PLCB1: variants seen among roughly 807,000 people sequenced by gnomAD.
PLCB1 encodes phospholipase C beta 1.
PLCB1 carries 46 observed loss-of-function variants against 161.8 expected under a neutral mutation model. That is an observed-to-expected ratio of 0.28 (90% CI 0.22 to 0.36). The LOEUF (loss-of-function observed/expected upper bound fraction) is 0.36, where lower values mean the gene tolerates loss of function less well. PLCB1 is among the 10% of genes least tolerant of loss of function. The pLI is 1.00. For missense variants in PLCB1, 1,016 were observed against 1,472.5 expected (o/e 0.69, Z 5.07); for synonymous variants, 517 against 503.7 (o/e 1.03, Z -0.35).
At chr20:8,584,459 AACAC>A (rs1389049820) in intron 3 of PLCB1, among the ~76,000 whole-genome samples, 3 of 136,252 alleles carry the variant, frequency 2.2e-5, no homozygotes, top group Admixed American at 7.9e-5. Flanking sequence ...AATTTACACA[AACAC>A]ACACACATAC....
chr20:8,397,118 A>G (rs1293482101), intron 3 of PLCB1, among the ~76,000 whole-genome samples: 1 of 151,998 alleles, frequency 6.6e-6, no homozygotes, highest in Non-Finnish European at 1.5e-5. Flanking sequence ...CTGTTTTTGT[A>G]TAGTGGCAAT....
chr20:8,681,089 T>TATATATATATATA (rs1990201957), intron 9 of PLCB1, among the ~76,000 whole-genome samples: 2 of 82,714 alleles, frequency 2.4e-5, no homozygotes, highest in African/African-American at 1.8e-4. Flanking sequence ...TGTGTGTGTA[T>TATATATATATATA]ATATATATAT....
intron 9 of PLCB1, among the ~76,000 whole-genome samples, chr20:8,682,684 A>G (rs1239736284): frequency 6.6e-6 from 1 of 152,200 alleles, no homozygotes; most frequent in Non-Finnish European, 1.5e-5. Context: ...ATAATGTTTA[A>G]ATCAGTAAAA....
chr20:8,670,833 T>C (rs1249211376), intron 9 of PLCB1, among the ~76,000 whole-genome samples: 3 of 152,214 alleles, frequency 2.0e-5, no homozygotes, highest in Non-Finnish European at 2.9e-5. Flanking sequence ...GGGATATTAA[T>C]GCCATCTGCA....
chr20:8,662,493 TTA>T (rs1989703053), intron 9 of PLCB1, among the ~76,000 whole-genome samples: 1 of 141,490 alleles, frequency 7.1e-6, no homozygotes, highest in South Asian at 2.1e-4. Flanking sequence ...TAATTTTTTA[TTA>T]TATAATTATG....
Position 8,524,373 on chromosome 20 carries a change from T to G in PLCB1, c.247-103921T>G, listed in dbSNP as rs180710602. On this transcript the variant is annotated intron_variant, in intron 3 of 31. Transcript: ENST00000338037. ...CTATGAGTTTTCTCTTTCTTTTTAT[T>G]TTTTCAGTTTCTTTCTACAGGATAC... Among the ~76,000 whole-genome samples the G allele has an allele frequency of 5.6e-3, 860 of 152,256 alleles. 8 individuals carry two copies. Among genetic ancestry groups the G allele is most frequent in the African/African-American group, 0.018 (759 of 41,556 alleles).
chr20:8,507,699 G>A (rs1290207308), intron 3 of PLCB1, among the ~76,000 whole-genome samples: 2 of 152,098 alleles, frequency 1.3e-5, no homozygotes, highest in African/African-American at 4.8e-5. Flanking sequence ...GCTTCATGGT[G>A]GTAGGCCCAG....
intron 2 of PLCB1, among the ~76,000 whole-genome samples, chr20:8,201,603 A>G (rs1203070946): frequency 6.6e-6 from 1 of 152,166 alleles, no homozygotes; most frequent in East Asian, 1.9e-4. Flanking sequence ...TAACTGGAGA[A>G]GAAAAATTTA....
intron 3 of PLCB1, among the ~76,000 whole-genome samples, chr20:8,504,283 TTCAAATG>T (rs1219563090): frequency 6.6e-6 from 1 of 152,152 alleles, no homozygotes; most frequent in African/African-American, 2.4e-5. Flanking sequence ...ACACTGGCTC[TTCAAATG>T]TCTGCCCAGA....
chr20:8,765,355 A>G lies in PLCB1; in HGVS notation c.2927A>G (p.Lys976Arg). Residue 976 changes from lysine (K) to arginine (R), a missense_variant, in exon 26 of 32, where the codon AAA becomes AGA. Transcript: ENST00000338037. Reference sequence around the variant, plus strand: ...AAGTCCGCCAAAAAGGACAGTAAGAAAAAGTAAGTTCAATGAATATTTTTA... The same window carrying G: ...AAGTCCGCCAAAAAGGACAGTAAGAGAAAGTAAGTTCAATGAATATTTTTA... ...LEKSAKKDSK[K>R]KSEPSSPDHG... 2 of 1,603,012 alleles carry G rather than the reference A, an allele frequency of 1.2e-6. No homozygotes were observed. Among genetic ancestry groups the G allele is most frequent in the Non-Finnish European group, 1.7e-6 (2 of 1,174,794 alleles).
intron 7 of PLCB1, among the ~76,000 whole-genome samples, chr20:8,655,196 C>A (rs1350338366): frequency 6.6e-6 from 1 of 152,096 alleles, no homozygotes; most frequent in African/African-American, 2.4e-5. Flanking sequence ...ATTGTTCTAT[C>A]AAATTATGTG....
chr20:8,315,888 A>C (rs371717105), intron 2 of PLCB1, among the ~76,000 whole-genome samples: 2 of 152,300 alleles, frequency 1.3e-5, no homozygotes, highest in East Asian at 3.9e-4. Context: ...ACCGTTGACC[A>C]CTCATGGATT....
At chr20:8,391,783 GTGTATATA>G (rs1207473666) in intron 3 of PLCB1, among the ~76,000 whole-genome samples, 1 of 83,300 alleles carries the variant, frequency 1.2e-5, no homozygotes, top group Non-Finnish European at 2.2e-5. Context: ...ATATATGTGT[GTGTATATA>G]TATATATATA....
chr20:8,380,884 T>C (rs1283604797), intron 3 of PLCB1, among the ~76,000 whole-genome samples: 1 of 152,170 alleles, frequency 6.6e-6, no homozygotes, highest in African/African-American at 2.4e-5. Context: ...ATCATGTTGC[T>C]GCAGACAGAG....
chr20:8,344,892 G>A (rs1050924861), intron 2 of PLCB1, among the ~76,000 whole-genome samples: 2 of 152,206 alleles, frequency 1.3e-5, no homozygotes, highest in African/African-American at 4.8e-5. Flanking sequence ...AAAGATATAA[G>A]CATTGGTGAA....
At chr20:8,397,047 T>C (rs896456427) in intron 3 of PLCB1, among the ~76,000 whole-genome samples, 1 of 152,086 alleles carries the variant, frequency 6.6e-6, no homozygotes, top group African/African-American at 2.4e-5. Context: ...CAGATCCAAA[T>C]AGATCTAATT....
intron 4 of PLCB1, among the ~76,000 whole-genome samples, chr20:8,630,392 T>C (rs1326733898): frequency 1.3e-5 from 2 of 152,180 alleles, no homozygotes; most frequent in African/African-American, 4.8e-5. Context: ...ATTCTTATAA[T>C]GGGATGCATA....
At chr20:8,258,727 T>G (rs1014858101) in intron 2 of PLCB1, among the ~76,000 whole-genome samples, 1 of 152,210 alleles carries the variant, frequency 6.6e-6, no homozygotes, top group Non-Finnish European at 1.5e-5. Flanking sequence ...CTAATTCTGT[T>G]TTTAAAATTT....
At chr20:8,789,166 CCAGGAGTT>C (rs1983630335) in intron 29 of PLCB1, among the ~76,000 whole-genome samples, 1 of 152,100 alleles carries the variant, frequency 6.6e-6, no homozygotes, top group South Asian at 2.1e-4. Flanking sequence ...TTGCTTGAGG[CCAGGAGTT>C]CAATAGGGGC....
Sources: gnomAD v4.1 joint callset for allele counts (sites outside exome capture counted in the v4.1 genomes callset) on GRCh38, gnomAD v4.1.1 for gene constraint, MANE v1.5 for transcripts, NCBI Gene and HGNC (gene_info 2026-07-23, HGNC 2026-07-21) for gene names.